PER3: variants seen among roughly 807,000 people sequenced by gnomAD.
PER3 encodes period circadian protein homolog 3.
In PER3, 107 loss-of-function variants were observed where a neutral mutation model predicts 127.2. The ratio of observed to expected loss-of-function variants is 0.84; its 90% CI spans 0.72 to 0.99. The LOEUF (loss-of-function observed/expected upper bound fraction) is 0.99. Among genes scored for constraint, PER3 ranks in the 50% least tolerant of loss-of-function variants. The pLI, the probability that PER3 is intolerant of heterozygous loss-of-function variation, is 0.00. For synonymous variants in PER3, 618 were observed against 585.8 expected (o/e 1.05, Z -0.79); for missense variants, 1,560 against 1,525.8 (o/e 1.02, Z -0.37).
intron 3 of PER3, 45 bp from the exon 4 acceptor site, chr1:7,786,676 T>G: frequency 1.0e-6 from 1 of 968,278 alleles, no homozygotes; most frequent in Non-Finnish European, 1.7e-6. Flanking sequence ...TTCCTAAAGA[T>G]ACTGTTGTCA....
chr1:7,828,018 A>G (rs955290673), intron 18 of PER3, among the ~76,000 whole-genome samples: 7 of 152,174 alleles, frequency 4.6e-5, no homozygotes, highest in Admixed American at 1.3e-4. Context: ...AGAATCATCT[A>G]TGTTCTAGTT....
Position 7,826,746 on chromosome 1 carries a change from A to G in PER3, c.2188+36A>G, listed in dbSNP as rs114964923. On this transcript the variant is annotated intron_variant, in intron 17 of 21. Transcript: ENST00000377532. This position sits in a 1 kb window ranked among gnomAD's most constrained non-coding sequence, Gnocchi z 4.2. ...TTTTAAAAATAAATGCCATTAATCTATGTAAATGTTACAAACTGTATCTAA... is the reference window on the plus strand; with the variant it reads ...TTTTAAAAATAAATGCCATTAATCTGTGTAAATGTTACAAACTGTATCTAA... 2,720 of 1,243,830 alleles carry G rather than the reference A, an allele frequency of 2.2e-3. 40 individuals carry two copies. In the African/African-American group the frequency reaches 0.035, roughly 16 times the overall value. 77.0% of individuals were successfully genotyped at this position (1,243,830 alleles called of 1,614,324 possible). A position where few individuals can be genotyped will look rare whatever the true frequency, so the allele number is the denominator to read the frequency against.
At chr1:7,794,149 C>T (rs11807683) in intron 6 of PER3, 141 bp downstream of exon 6, 105,607 of 720,732 alleles carry the variant, frequency 0.15, 8,768 homozygotes, top group Admixed American at 0.17. Flanking sequence ...ACAAGGAGTT[C>T]GTATTTTGAT....
intron 5 of PER3, 131 bp from the exon 6 acceptor site, chr1:7,793,826 G>A (rs2097132712): frequency 2.6e-6 from 2 of 761,334 alleles, no homozygotes; most frequent in African/African-American, 3.5e-5. Flanking sequence ...GAAGGAAGGG[G>A]GTTCTATTTT....
intron 10 of PER3, among the ~76,000 whole-genome samples, chr1:7,805,866 T>C (rs1187775947): frequency 6.6e-6 from 1 of 152,216 alleles, no homozygotes; most frequent in Non-Finnish European, 1.5e-5. Context: ...CAACATATAA[T>C]GAATATTCAG....
intron 20 of PER3, 170 bp from the exon 21 acceptor site, chr1:7,836,829 C>T: frequency 2.0e-6 from 1 of 489,258 alleles, no homozygotes; most frequent in South Asian, 4.1e-5. Context: ...AAGAAAAAAG[C>T]CTTTACCAAC....
intron 19 of PER3, among the ~76,000 whole-genome samples, chr1:7,832,533 C>G (rs2097336750): frequency 6.6e-6 from 1 of 151,792 alleles, no homozygotes; most frequent in Non-Finnish European, 1.5e-5. Context: ...GCCACCACAC[C>G]CAGTTGATTT....
intron 19 of PER3, among the ~76,000 whole-genome samples, chr1:7,834,717 C>T (rs926874160): frequency 6.6e-6 from 1 of 152,120 alleles, no homozygotes; most frequent in African/African-American, 2.4e-5. Flanking sequence ...CTTGGCCTCC[C>T]AAAGTGCCAG....
In PER3 at chr1:7,809,886, C is replaced by G; in HGVS notation, c.1243-7C>G. 6.2e-7 allele frequency: 1 copy of G among 1,613,354 alleles called. No individual in the cohort carries two copies. Among genetic ancestry groups the G allele is most frequent in the Non-Finnish European group, 8.5e-7 (1 of 1,179,594 alleles). On this transcript the variant is annotated splice_region_variant and splice_polypyrimidine_tract_variant and intron_variant, in intron 11 of 21. Coordinates refer to ENST00000377532, the MANE Select transcript of PER3 (RefSeq NM_001377275.1). ...AATTCTGGACTTGTTCCTCTTTGTC[C>G]TTCCAGCCAGTTCACGTGAGCGTGT...
At chr1:7,788,459 C>A in intron 5 of PER3, 1 of 561,448 alleles carries the variant, frequency 1.8e-6, no homozygotes, top group Non-Finnish European at 3.2e-6. Flanking sequence ...ACATCTGTTT[C>A]ACAGATGATA....
intron 16 of PER3, among the ~76,000 whole-genome samples, chr1:7,821,831 CTA>C (rs2097278178): frequency 6.6e-6 from 1 of 152,188 alleles, no homozygotes. Context: ...AAACATATCT[CTA>C]TGTCTTTTGC....
intron 9 of PER3, 145 bp downstream of exon 9, chr1:7,803,298 A>C: frequency 1.5e-6 from 1 of 667,598 alleles, no homozygotes; most frequent in South Asian, 1.7e-5. Flanking sequence ...ATTTAAACAT[A>C]CTAAAACAGG....
Position 7,835,957 on chromosome 1 carries a change from C to T in PER3, c.3398+12C>T, listed in dbSNP as rs1289473562. The T allele has an allele frequency of 2.0e-6, 3 of 1,519,126 alleles. No homozygotes were observed. Among genetic ancestry groups the T allele is most frequent in the Admixed American group, 2.1e-5 (1 of 47,780 alleles). The allele number at this position is 1,519,126 out of a possible 1,614,324, so 94.1% of individuals were successfully genotyped here. A position where few individuals can be genotyped will look rare whatever the true frequency, so the allele number is the denominator to read the frequency against. Reference sequence around the variant, plus strand: ...CAGGTACCTGAGAGGTAAGAAAGCACTTTAGAAAACCCACTTTTTATATTT... The same window carrying T: ...CAGGTACCTGAGAGGTAAGAAAGCATTTTAGAAAACCCACTTTTTATATTT... On this transcript the variant is annotated intron_variant, in intron 20 of 21. Transcript: ENST00000377532.
At chr1:7,796,503 C>T (rs1278332864) in intron 6 of PER3, among the ~76,000 whole-genome samples, 1 of 151,746 alleles carries the variant, frequency 6.6e-6, no homozygotes, top group Admixed American at 6.6e-5. Context: ...TTTGTAGAGA[C>T]GGGGTTTCTC....
chr1:7,824,501 C>CA (rs1336408874), intron 16 of PER3, among the ~76,000 whole-genome samples: 1 of 151,952 alleles, frequency 6.6e-6, no homozygotes, highest in Admixed American at 6.5e-5. Context: ...ACTGTAGACT[C>CA]AGTTTCTCGG....
intron 5 of PER3, among the ~76,000 whole-genome samples, chr1:7,789,846 T>C (rs777079535): frequency 8.9e-4 from 135 of 152,222 alleles, no homozygotes; most frequent in Non-Finnish European, 1.7e-3. Flanking sequence ...ATGCATGTCA[T>C]CCCTGCTTGC....
chr1:7,817,995 C>T (rs150069828), intron 13 of PER3, among the ~76,000 whole-genome samples: 1 of 152,242 alleles, frequency 6.6e-6, no homozygotes, highest in Non-Finnish European at 1.5e-5. Flanking sequence ...GGATGATGCA[C>T]AAGGAAGGAC....
intron 1 of PER3, 117 bp from the exon 2 acceptor site, chr1:7,784,537 C>G: frequency 5.5e-6 from 1 of 183,188 alleles, no homozygotes. Flanking sequence ...CCTCGGCGCG[C>G]GGGAAAGTTG....
chr1:7,829,600 C>T (rs146127632), intron 18 of PER3, among the ~76,000 whole-genome samples: 28 of 152,212 alleles, frequency 1.8e-4, no homozygotes, highest in Non-Finnish European at 3.2e-4. Context: ...AGGGATGATT[C>T]CTATCACAGG....
Sources: gnomAD v4.1 joint callset for allele counts (sites outside exome capture counted in the v4.1 genomes callset) on GRCh38, gnomAD v4.1.1 for gene constraint, Gnocchi (gnomAD v3.1) non-coding constraint, MANE v1.5 for transcripts, NCBI Gene and HGNC (gene_info 2026-07-23, HGNC 2026-07-21) for gene names.